PPP1R9A: variants seen among roughly 807,000 people sequenced by gnomAD.
PPP1R9A encodes protein phosphatase 1 regulatory subunit 9A.
In PPP1R9A, 59 loss-of-function variants were observed where a neutral mutation model predicts 141.9. That is an observed-to-expected ratio of 0.42 (90% CI 0.34 to 0.52). The LOEUF (loss-of-function observed/expected upper bound fraction) is 0.52, where lower values mean the gene tolerates loss of function less well. Ranked by LOEUF, PPP1R9A falls within the 20% of genes least tolerant of loss-of-function variation. The pLI is 0.10. For synonymous variants in PPP1R9A, 500 were observed against 569.7 expected, an observed-to-expected ratio of 0.88 and a Z score of 1.74; for missense variants, 1,444 against 1,611.9, an observed-to-expected ratio of 0.90 and a Z score of 1.78.
intron 7 of PPP1R9A, among the ~76,000 whole-genome samples, chr7:95,210,611 A>G (rs779817389): frequency 1.6e-4 from 25 of 152,134 alleles, no homozygotes; most frequent in Non-Finnish European, 2.9e-4. Flanking sequence ...GACTACAGGC[A>G]CATGCCACCA....
intron 8 of PPP1R9A, among the ~76,000 whole-genome samples, chr7:95,230,782 G>A (rs1379892209): frequency 4.6e-5 from 7 of 151,900 alleles, no homozygotes; most frequent in Admixed American, 6.6e-5. Context: ...ACAAATCCTC[G>A]AAATACACCA....
intron 2 of PPP1R9A, among the ~76,000 whole-genome samples, chr7:95,021,919 G>C (rs1476825748): frequency 6.6e-6 from 1 of 152,120 alleles, no homozygotes; most frequent in Non-Finnish European, 1.5e-5. Flanking sequence ...CTCCAGCTTT[G>C]TTCTTTTTGC....
chr7:95,043,922 G>T (rs1167765374), intron 2 of PPP1R9A, among the ~76,000 whole-genome samples: 1 of 152,104 alleles, frequency 6.6e-6, no homozygotes, highest in South Asian at 2.1e-4. Flanking sequence ...AAATACCTAA[G>T]CCTCTTGTTC....
intron 2 of PPP1R9A, among the ~76,000 whole-genome samples, chr7:94,988,373 T>A (rs1183556266): frequency 1.3e-5 from 2 of 152,138 alleles, no homozygotes; most frequent in Non-Finnish European, 2.9e-5. Context: ...AAGAGACCTT[T>A]CCAATTTATT....
intron 2 of PPP1R9A, among the ~76,000 whole-genome samples, chr7:94,940,966 A>C (rs1157641391): frequency 1.3e-5 from 2 of 152,150 alleles, no homozygotes; most frequent in East Asian, 3.8e-4. Context: ...AGACCCCTTT[A>C]GGCAACAACA....
At chr7:94,987,810 A>T (rs1801032851) in intron 2 of PPP1R9A, among the ~76,000 whole-genome samples, 1 of 152,114 alleles carries the variant, frequency 6.6e-6, no homozygotes, top group Non-Finnish European at 1.5e-5. Flanking sequence ...ACTTACTATT[A>T]TTGTTTTTTC....
chr7:95,274,841 A>G (rs1237166210), intron 16 of PPP1R9A, among the ~76,000 whole-genome samples: 1 of 152,168 alleles, frequency 6.6e-6, no homozygotes, highest in African/African-American at 2.4e-5. Flanking sequence ...TGGCTCTCCT[A>G]CTTATAACTT....
intron 2 of PPP1R9A, among the ~76,000 whole-genome samples, chr7:94,924,483 C>T (rs560194433): frequency 6.6e-6 from 1 of 152,110 alleles, no homozygotes; most frequent in East Asian, 1.9e-4. Context: ...TTACCTAATA[C>T]AATTCTTTAT....
At chr7:95,051,589 A>G (rs1385664891) in intron 2 of PPP1R9A, among the ~76,000 whole-genome samples, 7 of 152,202 alleles carry the variant, frequency 4.6e-5, no homozygotes, top group Non-Finnish European at 1.0e-4. Context: ...ATCTTTATAC[A>G]TGTCATTTCA....
intron 7 of PPP1R9A, among the ~76,000 whole-genome samples, chr7:95,221,876 C>A (rs1350263537): frequency 6.6e-6 from 1 of 151,798 alleles, no homozygotes; most frequent in Non-Finnish European, 1.5e-5. Flanking sequence ...GTCAGCAGAC[C>A]CATAAGCCAA....
intron 2 of PPP1R9A, among the ~76,000 whole-genome samples, chr7:95,102,198 A>C (rs1818882096): frequency 6.6e-6 from 1 of 152,228 alleles, no homozygotes; most frequent in African/African-American, 2.4e-5. Context: ...AAAACATAAT[A>C]ATATCTTCTA....
At chr7:94,958,745 A>C (rs1043647471) in intron 2 of PPP1R9A, among the ~76,000 whole-genome samples, 1 of 152,032 alleles carries the variant, frequency 6.6e-6, no homozygotes, top group African/African-American at 2.4e-5. Context: ...CATTCATTAA[A>C]AATTGTAACT....
At chr7:94,913,894 A>G (rs1028771966) in intron 2 of PPP1R9A, among the ~76,000 whole-genome samples, 2 of 152,170 alleles carry the variant, frequency 1.3e-5, no homozygotes, top group Admixed American at 1.3e-4. Context: ...TGTATTTAAA[A>G]TCCATAAAAA....
intron 14 of PPP1R9A, among the ~76,000 whole-genome samples, chr7:95,272,930 AC>A: frequency 6.6e-6 from 1 of 152,216 alleles, no homozygotes; most frequent in Non-Finnish European, 1.5e-5. Context: ...CACATAAAAA[AC>A]ATCAAATTTA....
intron 2 of PPP1R9A, among the ~76,000 whole-genome samples, chr7:95,045,938 A>G (rs1345483103): frequency 6.6e-6 from 1 of 152,248 alleles, no homozygotes; most frequent in Non-Finnish European, 1.5e-5. Context: ...TCTGAATTTA[A>G]CGGGTTATTA....
chr7:95,093,535 A>G (rs563959057), intron 2 of PPP1R9A, among the ~76,000 whole-genome samples: 3 of 152,274 alleles, frequency 2.0e-5, no homozygotes, highest in African/African-American at 7.2e-5. Flanking sequence ...TTGAAAAGTA[A>G]ATTATGAGTT....
At chr7:94,955,491 A>C (rs368541051) in intron 2 of PPP1R9A, among the ~76,000 whole-genome samples, 1 of 151,888 alleles carries the variant, frequency 6.6e-6, no homozygotes, top group South Asian at 2.1e-4. Flanking sequence ...TTTTATTCCC[A>C]CTGGATAGTA....
At chr7:95,073,288 C>T (rs1391465554) in intron 2 of PPP1R9A, among the ~76,000 whole-genome samples, 1 of 151,746 alleles carries the variant, frequency 6.6e-6, no homozygotes, top group Non-Finnish European at 1.5e-5. Context: ...GCCTGGCCTA[C>T]TTTTATATTT....
intron 2 of PPP1R9A, among the ~76,000 whole-genome samples, chr7:95,089,175 A>G (rs1057244394): frequency 2.0e-5 from 3 of 152,086 alleles, no homozygotes; most frequent in Non-Finnish European, 2.9e-5. Flanking sequence ...AGAATCTTAA[A>G]CACAATAAAG....
Sources: gnomAD v4.1 joint callset for allele counts (sites outside exome capture counted in the v4.1 genomes callset) on GRCh38, gnomAD v4.1.1 for gene constraint, MANE v1.5 for transcripts, NCBI Gene and HGNC (gene_info 2026-07-23, HGNC 2026-07-21) for gene names.